Variants in CBLL1 observed in about 807,000 individuals in gnomAD.
CBLL1 encodes E3 ubiquitin-protein ligase Hakai.
Under a neutral mutation model 44.9 loss-of-function variants are expected in CBLL1, and 4 were observed. That is an observed-to-expected ratio of 0.09 (90% CI 0.04 to 0.20). The LOEUF is 0.20. Ranked by LOEUF, CBLL1 falls within the 10% of genes least tolerant of loss-of-function variation. The probability of loss-of-function intolerance (pLI) is 1.00; values close to 1 mark genes in which losing one functional copy is unlikely to be tolerated. For synonymous variants in CBLL1, 235 were observed against 202.2 expected (o/e 1.16, Z -1.38); for missense variants, 569 against 636.7 (o/e 0.89, Z 1.14).
At chr7:107,744,985 G>A (rs1191219313) in intron 1 of CBLL1, 4 of 152,106 alleles carry the variant, frequency 2.6e-5, no homozygotes, top group African/African-American at 7.2e-5. Context: ...TTTTTCTTGA[G>A]TATTGAGTTG....
In CBLL1 at chr7:107,753,494, C is replaced by CT; in HGVS notation, c.271dup (p.Trp91LeufsTer10). 1.9e-6 allele frequency: 3 copies of CT among 1,576,604 alleles called. No homozygotes were observed. The highest frequency in any genetic ancestry group is 1.8e-5 in the Admixed American group (1 of 54,244). ...AAATCAGCGAAGATTTCCTGGACAC[C>CT]TTTTTTGGGACTTTCAGGTATAATT... On this transcript the variant is annotated frameshift_variant, in exon 3 of 6. Transcript: ENST00000440859. LOFTEE classifies it high-confidence loss of function.
Position 107,758,734 on chromosome 7 carries a change from C to G in CBLL1, c.1032C>G (p.Pro344=), listed in dbSNP as rs771242368. ...IMPPQQHYAP[P]PPPPPPISHP... is the part of the protein sequence containing the mutation. ...CTCCACAGCAACATTATGCACCACC[C>G]CCACCTCCTCCACCACCAATAAGCC... Residue 344 remains proline (P), a synonymous_variant, in exon 6 of 6, where the codon CCC becomes CCG. Coordinates refer to ENST00000440859, the MANE Select transcript of CBLL1 (RefSeq NM_024814.4). This position sits in a 1 kb window ranked among gnomAD's most constrained non-coding sequence, Gnocchi z 4.2. The G allele has an allele frequency of 1.2e-6, 2 of 1,613,698 alleles. No individual in the cohort carries two copies. The highest frequency in any genetic ancestry group is 2.2e-5 in the East Asian group (1 of 44,834).
rs147654733 is a variant in CBLL1, at chr7:107,751,102, G to A, written c.181+2055G>A. Among the ~76,000 whole-genome samples, 1,009 of 152,042 alleles carry A rather than the reference G, an allele frequency of 6.6e-3. 16 individuals carry two copies. Among genetic ancestry groups the A allele is most frequent in the African/African-American group, 0.023 (974 of 41,456 alleles). On this transcript the variant is annotated intron_variant, in intron 2 of 5. Coordinates refer to ENST00000440859, the MANE Select transcript of CBLL1 (RefSeq NM_024814.4). ...TCTTTTTGGCACCAGGACTGGTTTCGTGGAAGACAGTTTTTCCACAGGTGG... is the reference window on the plus strand; with the variant it reads ...TCTTTTTGGCACCAGGACTGGTTTCATGGAAGACAGTTTTTCCACAGGTGG...
chr7:107,757,152 T>C (rs952184484), intron 5 of CBLL1, among the ~76,000 whole-genome samples: 5 of 152,168 alleles, frequency 3.3e-5, no homozygotes, highest in African/African-American at 7.2e-5. Context: ...CTGACACACA[T>C]ATTCAATGAT....
At chr7:107,744,779 A>T (rs1056673897) in intron 1 of CBLL1, 1 of 152,414 alleles carries the variant, frequency 6.6e-6, no homozygotes, top group African/African-American at 2.4e-5. Context: ...CTTACTCATC[A>T]TTTGAGGGTA....
intron 1 of CBLL1, among the ~76,000 whole-genome samples, chr7:107,745,911 A>T (rs1215439378): frequency 6.6e-6 from 1 of 152,224 alleles, no homozygotes; most frequent in African/African-American, 2.4e-5. Context: ...AACTACTGAG[A>T]CACAGGAGAG....
rs1287652703 is a variant in CBLL1, at chr7:107,761,643, CAAT to C, written c.*2468_*2470del. On this transcript the variant is annotated 3_prime_UTR_variant, in exon 6 of 6. Coordinates refer to ENST00000440859, the MANE Select transcript of CBLL1 (RefSeq NM_024814.4). ...GAGGTGGCAGTTTAATTCTTAAAAA[CAAT>C]AAAATGGAAGCATAAATACTATTTT... 4.6e-5 allele frequency: 7 copies of C among 152,062 alleles called. No homozygotes were observed. Among genetic ancestry groups the C allele is most frequent in the Non-Finnish European group, 7.4e-5 (5 of 67,834 alleles). The allele number at this position is 152,062 out of a possible 1,614,324, so 9.4% of individuals were successfully genotyped here.
intron 4 of CBLL1, among the ~76,000 whole-genome samples, chr7:107,754,589 A>G (rs539220958): frequency 1.1e-3 from 161 of 152,306 alleles, no homozygotes; most frequent in Non-Finnish European, 1.7e-3. Context: ...GCTTTGCTGA[A>G]CATCATAGTA....
intron 1 of CBLL1, among the ~76,000 whole-genome samples, chr7:107,745,443 G>A (rs899768104): frequency 6.6e-6 from 1 of 152,228 alleles, no homozygotes; most frequent in African/African-American, 2.4e-5. Context: ...TAGCCAGAGG[G>A]TAGGAGTCCT....
chr7:107,752,903 AAAG>A (rs1425171776), intron 2 of CBLL1, among the ~76,000 whole-genome samples: 1 of 152,242 alleles, frequency 6.6e-6, no homozygotes, highest in Non-Finnish European at 1.5e-5. Context: ...TTTTAGGGCT[AAAG>A]AAGAGGATAA....
intron 1 of CBLL1, chr7:107,744,519 C>A: frequency 3.1e-6 from 1 of 325,564 alleles, no homozygotes; most frequent in Non-Finnish European, 5.6e-6. Flanking sequence ...TGGAGACTGG[C>A]GGGTAGATTG....
chr7:107,744,213 G>A (rs369676926), intron 1 of CBLL1, 37 bp downstream of exon 1: 32 of 1,534,868 alleles, frequency 2.1e-5, no homozygotes, highest in Non-Finnish European at 2.7e-5. Context: ...CCGGTTCCAA[G>A]CCCCCTTGGC....
Position 107,761,435 on chromosome 7 carries a change from A to G in CBLL1, c.*2257A>G, listed in dbSNP as rs1298098131. On this transcript the variant is annotated 3_prime_UTR_variant, in exon 6 of 6. Coordinates refer to ENST00000440859, the MANE Select transcript of CBLL1 (RefSeq NM_024814.4). ...AAGTTTTAAATCGTGTTAGACTTGAATTCATCAATTGTTTGAATGAGGGTG... is the reference window on the plus strand; with the variant it reads ...AAGTTTTAAATCGTGTTAGACTTGAGTTCATCAATTGTTTGAATGAGGGTG... 6.6e-6 allele frequency: 1 copy of G among 152,192 alleles called. No homozygotes were observed. The highest frequency in any genetic ancestry group is 1.5e-5 in the Non-Finnish European group (1 of 67,880). 9.4% of individuals were successfully genotyped at this position (152,192 alleles called of 1,614,324 possible). A position where few individuals can be genotyped will look rare whatever the true frequency, so the allele number is the denominator to read the frequency against.
rs568800353 is a variant in CBLL1, at chr7:107,760,856, C to T, written c.*1678C>T. The T allele has an allele frequency of 2.6e-5, 4 of 152,248 alleles. No homozygotes were observed. In the East Asian group the frequency reaches 7.5e-4, roughly 29 times the overall value. The allele number at this position is 152,248 out of a possible 1,614,324, so 9.4% of individuals were successfully genotyped here. A position where few individuals can be genotyped will look rare whatever the true frequency, so the allele number is the denominator to read the frequency against. ...ACCCTAGAGCAGAAGTTAGAAATAA[C>T]AAAATGGCCGTTTCAACCTTGACTG... On this transcript the variant is annotated 3_prime_UTR_variant, in exon 6 of 6. Transcript: ENST00000440859.
Position 107,744,153 on chromosome 7 carries a change from C to T in CBLL1, c.-11C>T. The T allele has an allele frequency of 2.6e-6, 4 of 1,552,108 alleles. No homozygotes were observed. The highest frequency in any genetic ancestry group is 1.8e-4 in the Middle Eastern group (1 of 5,666). ...TGACTTCCGCTCCCACTGTGCTCTG[C>T]GAGCCGAATCATGGATCACACTGGT... On this transcript the variant is annotated 5_prime_UTR_variant, in exon 1 of 6. Transcript: ENST00000440859.
chr7:107,748,905 T>A lies in CBLL1; in HGVS notation c.39T>A (p.Ser13Arg). ...HTDNELQGTN[S>R]SGSLGGLDVR... ...ACAATGAGTTACAAGGCACTAATAG[T>A]TCTGGATCCTTGGGTGGTCTTGATG... is the stretch of plus-strand genomic sequence containing the variant. The change falls in exon 2 of 6, where the codon AGT becomes AGA. Residue 13 changes from serine to arginine, a missense_variant. Around this residue, in one of 5 missense-constraint regions of CBLL1, gnomAD observed 209 missense variants for 202.8 expected, o/e 1.03. Coordinates refer to ENST00000440859, the MANE Select transcript of CBLL1 (RefSeq NM_024814.4). The A allele has an allele frequency of 2.5e-6, 4 of 1,613,196 alleles. No individual in the cohort carries two copies. Among genetic ancestry groups the A allele is most frequent in the Non-Finnish European group, 3.4e-6 (4 of 1,179,598 alleles).
At chr7:107,746,661 A>G (rs1347586297) in intron 1 of CBLL1, among the ~76,000 whole-genome samples, 3 of 152,234 alleles carry the variant, frequency 2.0e-5, no homozygotes, top group Admixed American at 2.0e-4. Context: ...TTAAAGGATT[A>G]AGAGGTCCTT....
intron 2 of CBLL1, among the ~76,000 whole-genome samples, chr7:107,749,927 T>C (rs1017571553): frequency 2.9e-5 from 4 of 135,826 alleles, no homozygotes; most frequent in African/African-American, 1.0e-4. Flanking sequence ...TGTGCGTGTG[T>C]GTATATATAT....
intron 2 of CBLL1, chr7:107,749,272 G>T: frequency 2.9e-6 from 1 of 344,056 alleles, no homozygotes; most frequent in Non-Finnish European, 5.2e-6. Flanking sequence ...CCATTGTTCA[G>T]TAATCTCAAC....
Sources: allele counts gnomAD v4.1 joint callset (sites outside exome capture counted in the v4.1 genomes callset), GRCh38; gene constraint gnomAD v4.1.1; regional missense constraint gnomAD v4.1.1; non-coding constraint Gnocchi (gnomAD v3.1); transcripts MANE v1.5; gene names NCBI Gene and HGNC (gene_info 2026-07-23, HGNC 2026-07-21).